The following LSM6 variants were observed in gnomAD, a reference collection of about 807,000 sequenced individuals.
The protein encoded by LSM6 is U6 snRNA-associated Sm-like protein LSm6.
Under a neutral mutation model 13.5 loss-of-function variants are expected in LSM6, and 2 were observed. That is an observed-to-expected ratio of 0.15 (90% CI 0.06 to 0.47). The LOEUF (loss-of-function observed/expected upper bound fraction) is 0.47. LSM6 is among the 20% of genes least tolerant of loss of function. The pLI, the probability that LSM6 is intolerant of heterozygous loss-of-function variation, is 0.97. For missense variants in LSM6, 58 were observed against 96.4 expected (o/e 0.60, Z 1.67); for synonymous variants, 43 against 34.9 (o/e 1.23, Z -0.82).
rs1411275864 is a variant in LSM6, at chr4:146,189,658, G to C, written c.*2G>C. On this transcript the variant is annotated 3_prime_UTR_variant, in exon 4 of 4. Coordinates refer to ENST00000296581, the MANE Select transcript of LSM6 (RefSeq NM_007080.3). The stretch of plus-strand genomic sequence containing the variant: ...AGTACACAGAAGAGACGGATGTGAA[G>C]ACACCAAGAGAGCAACGCTTTTCAT... The C allele has an allele frequency of 4.4e-6, 7 of 1,597,394 alleles. No individual in the cohort carries two copies. In the East Asian group the frequency reaches 1.6e-4, roughly 36 times the overall value.
rs1265336697 is a variant in LSM6 at position 146,191,088 on chromosome 4, TTA to T, written c.*1434_*1435del. 4 of 152,192 alleles carry T rather than the reference TTA, an allele frequency of 2.6e-5. No individual in the cohort carries two copies. Among genetic ancestry groups the T allele is most frequent in the African/African-American group, 9.6e-5 (4 of 41,458 alleles). The allele number at this position is 152,192 out of a possible 1,614,324, so 9.4% of individuals were successfully genotyped here. A position where few individuals can be genotyped will look rare whatever the true frequency, so the allele number is the denominator to read the frequency against. On this transcript the variant is annotated 3_prime_UTR_variant, in exon 4 of 4. Coordinates refer to ENST00000296581, the MANE Select transcript of LSM6 (RefSeq NM_007080.3). ...GTGTGCACACTGAAAATAAAACACTTTATGCTATGCTTCAATAATTTATCACT... is the reference window on the plus strand; with the variant it reads ...GTGTGCACACTGAAAATAAAACACTTTGCTATGCTTCAATAATTTATCACT...
chr4:146,180,975 A>G (rs1050321523), intron 1 of LSM6: 4 of 152,170 alleles, frequency 2.6e-5, no homozygotes, highest in East Asian at 1.9e-4. Context: ...GTATTTTTTC[A>G]CTTTGTACTC....
At chr4:146,182,455 A>G (rs544073441) in intron 1 of LSM6, among the ~76,000 whole-genome samples, 1 of 152,378 alleles carries the variant, frequency 6.6e-6, no homozygotes, top group Non-Finnish European at 1.5e-5. Flanking sequence ...CAGCAAAATG[A>G]GGGTATTAAG....
At chr4:146,184,112 G>A (rs1730294565) in intron 2 of LSM6, among the ~76,000 whole-genome samples, 1 of 152,000 alleles carries the variant, frequency 6.6e-6, no homozygotes, top group African/African-American at 2.4e-5. Flanking sequence ...CGTGGCAGAA[G>A]GCAGAGGGCA....
intron 2 of LSM6, among the ~76,000 whole-genome samples, chr4:146,186,821 A>T (rs1276975815): frequency 6.6e-6 from 1 of 152,174 alleles, no homozygotes; most frequent in African/African-American, 2.4e-5. Context: ...GCTGCAATAG[A>T]TGTTGTAAAA....
At chr4:146,181,469 T>A (rs879852604) in intron 1 of LSM6, among the ~76,000 whole-genome samples, 5 of 152,226 alleles carry the variant, frequency 3.3e-5, no homozygotes, top group Admixed American at 3.3e-4. Context: ...CCCAGTAACC[T>A]AGAGTTCCAG....
At chr4:146,182,801 T>C in intron 1 of LSM6, 111 bp from the exon 2 acceptor site, 1 of 669,052 alleles carries the variant, frequency 1.5e-6, no homozygotes, top group East Asian at 2.7e-5. Context: ...TCTTCTCGCA[T>C]GGTCCTTTGA....
chr4:146,184,168 C>T (rs1730295947), intron 2 of LSM6, among the ~76,000 whole-genome samples: 1 of 152,002 alleles, frequency 6.6e-6, no homozygotes, highest in Admixed American at 6.5e-5. Context: ...AGGCCTTCAT[C>T]CCATTAATGG....
intron 2 of LSM6, among the ~76,000 whole-genome samples, chr4:146,183,920 T>A (rs1455323709): frequency 6.7e-6 from 1 of 148,576 alleles, no homozygotes; most frequent in Non-Finnish European, 1.5e-5. Context: ...TCACCCAGGC[T>A]GGAGTGCAGC....
At chr4:146,176,374 C>G (rs1730108675) in intron 1 of LSM6, 1 of 152,272 alleles carries the variant, frequency 6.6e-6, no homozygotes, top group South Asian at 2.1e-4. Context: ...GGTCTTAAGT[C>G]CTATCGCCCA....
intron 1 of LSM6, among the ~76,000 whole-genome samples, chr4:146,180,654 T>C (rs1390823374): frequency 6.6e-6 from 1 of 152,218 alleles, no homozygotes; most frequent in East Asian, 1.9e-4. Context: ...ATTAAAGTAG[T>C]TAATATCTCC....
At chr4:146,183,109 CA>C in intron 2 of LSM6, 94 bp downstream of exon 2, 3 of 823,158 alleles carry the variant, frequency 3.6e-6, no homozygotes, top group East Asian at 2.6e-5. Context: ...CCCAATAGGC[CA>C]AAAAAGTACT....
chr4:146,180,304 T>C (rs1281768742), intron 1 of LSM6, among the ~76,000 whole-genome samples: 1 of 152,256 alleles, frequency 6.6e-6, no homozygotes, highest in African/African-American at 2.4e-5. Context: ...GTCTTTGTGT[T>C]ACATTCCCCA....
intron 2 of LSM6, 67 bp from the exon 3 acceptor site, chr4:146,187,207 G>A: frequency 2.5e-6 from 2 of 806,958 alleles, no homozygotes; most frequent in East Asian, 2.5e-5. Flanking sequence ...CTGCTCTAAG[G>A]TATACCCTGT....
intron 2 of LSM6, among the ~76,000 whole-genome samples, chr4:146,184,663 A>G (rs944893280): frequency 6.6e-6 from 1 of 152,138 alleles, no homozygotes; most frequent in African/African-American, 2.4e-5. Context: ...AAGTGAGGAC[A>G]TTGTGTTCAA....
chr4:146,181,537 T>G (rs1487877544), intron 1 of LSM6, among the ~76,000 whole-genome samples: 1 of 152,188 alleles, frequency 6.6e-6, no homozygotes, highest in Non-Finnish European at 1.5e-5. Context: ...CAAATAATCC[T>G]TCTCCACACA....
At chr4:146,179,773 A>G (rs932385961) in intron 1 of LSM6, among the ~76,000 whole-genome samples, 1 of 152,232 alleles carries the variant, frequency 6.6e-6, no homozygotes, top group Non-Finnish European at 1.5e-5. Context: ...GCACTCTGCT[A>G]TGGAAAGTAG....
chr4:146,191,122 CAG>C lies in LSM6; in HGVS notation c.*1467_*1468del, dbSNP rs558388602. On this transcript the variant is annotated 3_prime_UTR_variant, in exon 4 of 4. Coordinates refer to ENST00000296581, the MANE Select transcript of LSM6 (RefSeq NM_007080.3). ...GCTTCAATAATTTATCACTTCTTGACAGGGGCTTGGAAAAGGTCCAGTATGTA... is the reference window on the plus strand; with the variant it reads ...GCTTCAATAATTTATCACTTCTTGACGGGCTTGGAAAAGGTCCAGTATGTA... 5.2e-4 allele frequency: 79 copies of C among 152,312 alleles called. No individual in the cohort carries two copies. The highest frequency in any genetic ancestry group is 1.2e-3 in the African/African-American group (48 of 41,576). 9.4% of individuals were successfully genotyped at this position (152,312 alleles called of 1,614,324 possible).
chr4:146,182,992 T>C lies in LSM6; in HGVS notation c.71T>C (p.Leu24Ser). Residue 24 changes from leucine (L) to serine (S), a missense_variant, in exon 2 of 4, where the codon TTA becomes TCA. Around this residue, in one of 3 missense-constraint regions of LSM6, gnomAD observed 28 missense variants for 32.6 expected, o/e 0.86. Coordinates refer to ENST00000296581, the MANE Select transcript of LSM6 (RefSeq NM_007080.3). ...ATCGGACGACCAGTTGTGGTAAAATTAAATTCTGGAGTGGATTATCGAGGT... is the reference window on the plus strand; with the variant it reads ...ATCGGACGACCAGTTGTGGTAAAATCAAATTCTGGAGTGGATTATCGAGGT... Reference protein sequence around the residue: ...QIIGRPVVVKLNSGVDYRGVL... With the variant: ...QIIGRPVVVKSNSGVDYRGVL... The C allele has an allele frequency of 6.2e-7, 1 of 1,612,690 alleles. No homozygotes were observed. Among genetic ancestry groups the C allele is most frequent in the Non-Finnish European group, 8.5e-7 (1 of 1,178,812 alleles).
Sources: gnomAD v4.1 joint callset for allele counts (sites outside exome capture counted in the v4.1 genomes callset) on GRCh38, gnomAD v4.1.1 for gene constraint, gnomAD v4.1.1 regional missense constraint, MANE v1.5 for transcripts, NCBI Gene and HGNC (gene_info 2026-07-23, HGNC 2026-07-21) for gene names.